REPS1: variants seen among roughly 807,000 people sequenced by gnomAD.
REPS1 encodes ralBP1-associated Eps domain-containing protein 1.
In REPS1, 39 loss-of-function variants were observed where a neutral mutation model predicts 100.9. The observed-to-expected ratio is 0.39, with a 90% confidence interval of 0.30 to 0.50. The LOEUF is 0.50. Among genes scored for constraint, REPS1 ranks in the 20% least tolerant of loss-of-function variants. REPS1 has a pLI of 0.86. For synonymous variants in REPS1, 324 were observed against 340.3 expected, an observed-to-expected ratio of 0.95 and a Z score of 0.53; for missense variants, 821 against 968.5, an observed-to-expected ratio of 0.85 and a Z score of 2.02.
At chr6:138,946,947 TG>T (rs1196346762) in intron 2 of REPS1, among the ~76,000 whole-genome samples, 1 of 152,138 alleles carries the variant, frequency 6.6e-6, no homozygotes, top group African/African-American at 2.4e-5. Context: ...GATTAGATCA[TG>T]GGGGCGGTTC....
intron 1 of REPS1, among the ~76,000 whole-genome samples, chr6:138,972,932 C>T (rs1157650007): frequency 6.6e-6 from 1 of 152,082 alleles, no homozygotes; most frequent in African/African-American, 2.4e-5. Flanking sequence ...TAGGCTAGCA[C>T]CCATCAATGT....
chr6:138,927,937 G>A (rs1367454085), intron 9 of REPS1: 1 of 152,198 alleles, frequency 6.6e-6, no homozygotes, highest in East Asian at 1.9e-4. Context: ...AAAGTTTACA[G>A]AAGATTTTTG....
intron 1 of REPS1, among the ~76,000 whole-genome samples, chr6:138,977,478 T>C (rs1006745944): frequency 1.2e-4 from 18 of 152,364 alleles, no homozygotes; most frequent in African/African-American, 4.3e-4. Flanking sequence ...TTCAATGATA[T>C]GCGGGTGCCA....
chr6:138,969,564 C>T (rs1023749892), intron 1 of REPS1, among the ~76,000 whole-genome samples: 30 of 151,040 alleles, frequency 2.0e-4, no homozygotes, highest in Admixed American at 1.5e-3. Context: ...GCTGGGATTA[C>T]AGCCATGAGC....
intron 1 of REPS1, among the ~76,000 whole-genome samples, chr6:138,949,544 C>T (rs1782861217): frequency 6.6e-6 from 1 of 151,964 alleles, no homozygotes; most frequent in East Asian, 1.9e-4. Context: ...CTGGCCAACA[C>T]GGTGAAACCC....
At chr6:138,939,821 T>C (rs1259442064) in intron 8 of REPS1, among the ~76,000 whole-genome samples, 1 of 152,120 alleles carries the variant, frequency 6.6e-6, no homozygotes, top group Non-Finnish European at 1.5e-5. Context: ...CTAATAAAGA[T>C]ACTAAGCTTT....
intron 1 of REPS1, among the ~76,000 whole-genome samples, chr6:138,957,851 A>G (rs986881023): frequency 6.6e-6 from 1 of 152,366 alleles, no homozygotes; most frequent in South Asian, 2.1e-4. Flanking sequence ...CATCACATGA[A>G]TATTTTTGGT....
intron 1 of REPS1, among the ~76,000 whole-genome samples, chr6:138,956,112 C>T (rs1226655397): frequency 6.6e-6 from 1 of 152,112 alleles, no homozygotes; most frequent in Non-Finnish European, 1.5e-5. Context: ...ATATAGGACG[C>T]TCTCATGTCT....
intron 1 of REPS1, among the ~76,000 whole-genome samples, chr6:138,969,605 C>T (rs1197822808): frequency 6.6e-6 from 1 of 151,768 alleles, no homozygotes; most frequent in East Asian, 1.9e-4. Context: ...TAATTTTAAG[C>T]ATCAAAATGG....
At chr6:138,934,987 G>A (rs1253862586) in intron 8 of REPS1, among the ~76,000 whole-genome samples, 5 of 152,104 alleles carry the variant, frequency 3.3e-5, no homozygotes, top group African/African-American at 7.2e-5. Context: ...CATAAGCAAC[G>A]CATATGTAGA....
At position 138,903,924 on chromosome 6, in the gene REPS1, A is replaced by G. The variant is rs1369513178; in HGVS notation, c.*1140T>C. On this transcript the variant is annotated 3_prime_UTR_variant, in exon 20 of 20. Transcript: ENST00000450536. ...CGGTGCAGTTTAGGACTGTGAATCT[A>G]TAGTATTTAAACATTTTTTCTTTCA... 3 of 152,222 alleles carry G rather than the reference A, an allele frequency of 2.0e-5. No homozygotes were observed. The highest frequency in any genetic ancestry group is 7.2e-5 in the African/African-American group (3 of 41,466). The allele number at this position is 152,222 out of a possible 1,614,324, so 9.4% of individuals were successfully genotyped here.
chr6:138,929,820 A>G, intron 9 of REPS1, 157 bp downstream of exon 9: 2 of 694,732 alleles, frequency 2.9e-6, no homozygotes, highest in East Asian at 5.5e-5. Flanking sequence ...AAAACCTCGA[A>G]AAAGTCACAT....
At position 138,908,804 on chromosome 6, in the gene REPS1, T is replaced by G. The variant is rs761430281; in HGVS notation, c.2080A>C (p.Thr694Pro). The G allele has an allele frequency of 3.0e-5, 48 of 1,613,484 alleles. No homozygotes were observed. Among genetic ancestry groups the G allele is most frequent in the Middle Eastern group, 1.6e-4 (1 of 6,082 alleles). Residue 694 changes from threonine (T) to proline (P), a missense_variant, in exon 18 of 20, where the codon ACA (threonine) becomes CCA (proline). Thr to Pro is a conservative substitution (Grantham distance 38). Transcript: ENST00000450536. ...GGTTTAGGTGGTGGAGCAAGTGGTG[T>G]TGTGCCTTTGCTCTTTAAGACAAGA... ...SAPANVSKGT[T>P]PLAPPPKPVR...
chr6:138,937,054 G>A (rs1330128792), intron 8 of REPS1, among the ~76,000 whole-genome samples: 3 of 152,140 alleles, frequency 2.0e-5, no homozygotes, highest in Admixed American at 1.3e-4. Context: ...AAGGCAAGGA[G>A]GAGCAAGTCA....
intron 17 of REPS1, among the ~76,000 whole-genome samples, chr6:138,909,069 G>C (rs1364621253): frequency 6.6e-6 from 1 of 152,144 alleles, no homozygotes; most frequent in Admixed American, 6.5e-5. Context: ...ATGCAAGACT[G>C]TAATATTCAC....
At chr6:138,984,042 G>A (rs1467782427) in intron 1 of REPS1, among the ~76,000 whole-genome samples, 2 of 148,760 alleles carry the variant, frequency 1.3e-5, no homozygotes, top group South Asian at 2.1e-4. Flanking sequence ...GGCCTATCAC[G>A]TTTACCTTCA....
chr6:138,953,698 A>T (rs1783188770), intron 1 of REPS1, among the ~76,000 whole-genome samples: 2 of 141,390 alleles, frequency 1.4e-5, no homozygotes, highest in Admixed American at 7.0e-5. Context: ...AAAAAAAAAA[A>T]TGCTGGCGAG....
At chr6:138,957,542 G>C (rs9321686) in intron 1 of REPS1, among the ~76,000 whole-genome samples, 51,249 of 152,032 alleles carry the variant, frequency 0.34, 9,236 homozygotes, top group East Asian at 0.62. Context: ...ATGTCATTCA[G>C]CAAAGTGTGA....
rs972492205 is a variant in REPS1, at chr6:138,936,431, G to A, written c.1135+4904C>T. On this transcript the variant is annotated intron_variant, in intron 8 of 19. Transcript: ENST00000450536. ...CTTCAAGTATTATCTGCCCTTGCTT[G>A]TCAATGTCTTTGTCAGGATTTGAGT... Among the ~76,000 whole-genome samples the A allele has an allele frequency of 2.0e-5, 3 of 152,060 alleles. No homozygotes were observed. In the East Asian group the frequency reaches 5.8e-4, roughly 29 times the overall value.
Sources: allele counts gnomAD v4.1 joint callset (sites outside exome capture counted in the v4.1 genomes callset), GRCh38; gene constraint gnomAD v4.1.1; transcripts MANE v1.5; gene names NCBI Gene and HGNC (gene_info 2026-07-23, HGNC 2026-07-21).